The following EYA4 variants were observed in gnomAD, a reference collection of about 807,000 sequenced individuals.
EYA4 encodes the protein protein phosphatase EYA4.
A neutral mutation model predicts 87.9 loss-of-function variants in EYA4; 31 were observed. That is an observed-to-expected ratio of 0.35 (90% CI 0.27 to 0.48). The LOEUF (loss-of-function observed/expected upper bound fraction) is 0.48. EYA4 is among the 20% of genes least tolerant of loss of function. The pLI, the probability that EYA4 is intolerant of heterozygous loss-of-function variation, is 0.99. For missense variants in EYA4, 678 were observed against 761.4 expected (o/e 0.89, Z 1.29); for synonymous variants, 263 against 270.6 (o/e 0.97, Z 0.28).
intron 18 of EYA4, among the ~76,000 whole-genome samples, chr6:133,524,556 G>A (rs1330908326): frequency 6.6e-6 from 1 of 152,168 alleles, no homozygotes; most frequent in East Asian, 1.9e-4. Context: ...TATTTGAGCA[G>A]GCTAACTCTC....
At chr6:133,307,885 C>T (rs1296830182) in intron 2 of EYA4, among the ~76,000 whole-genome samples, 1 of 152,068 alleles carries the variant, frequency 6.6e-6, no homozygotes, top group East Asian at 1.9e-4. Flanking sequence ...ATTGCAGCTC[C>T]CTCCCATAAT....
chr6:133,450,779 G>A (rs151076685), intron 5 of EYA4, among the ~76,000 whole-genome samples: 55 of 152,304 alleles, frequency 3.6e-4, no homozygotes, highest in African/African-American at 1.1e-3. Flanking sequence ...CCAAAGTGTC[G>A]GGATTACAGG....
chr6:133,308,663 A>G (rs960385657), intron 2 of EYA4, among the ~76,000 whole-genome samples: 24 of 152,056 alleles, frequency 1.6e-4, no homozygotes, highest in African/African-American at 5.8e-4. Context: ...GAGATGCGGT[A>G]TTTGGTTTTC....
At chr6:133,311,455 A>G (rs997806669) in intron 2 of EYA4, among the ~76,000 whole-genome samples, 2 of 151,722 alleles carry the variant, frequency 1.3e-5, no homozygotes, top group Non-Finnish European at 2.9e-5. Flanking sequence ...CCTCCCAAGT[A>G]GCTGTGACTA....
intron 13 of EYA4, among the ~76,000 whole-genome samples, chr6:133,494,932 A>G (rs960329935): frequency 1.3e-5 from 2 of 152,142 alleles, no homozygotes; most frequent in African/African-American, 4.8e-5. Flanking sequence ...TGGATACCCC[A>G]TTTACCCTGA....
At chr6:133,368,984 C>A (rs535892191) in intron 2 of EYA4, among the ~76,000 whole-genome samples, 1 of 151,986 alleles carries the variant, frequency 6.6e-6, no homozygotes, top group East Asian at 1.9e-4. Context: ...TTTTCCTGTA[C>A]GTCACTGTAT....
intron 17 of EYA4, among the ~76,000 whole-genome samples, chr6:133,518,909 C>T (rs1344778377): frequency 5.3e-5 from 8 of 151,338 alleles, no homozygotes; most frequent in South Asian, 4.2e-4. Context: ...GGGTACATAA[C>T]GAAATGAAGG....
At chr6:133,502,058 TCTCTCTCTCTCTCA>T in intron 13 of EYA4, among the ~76,000 whole-genome samples, 1 of 151,444 alleles carries the variant, frequency 6.6e-6, no homozygotes, top group East Asian at 1.9e-4. Context: ...TCTCTCTCTC[TCTCTCTCTCTCTCA>T]CTCTCTCTCT....
At chr6:133,499,263 A>G (rs1328383765) in intron 13 of EYA4, among the ~76,000 whole-genome samples, 1 of 151,996 alleles carries the variant, frequency 6.6e-6, no homozygotes, top group Non-Finnish European at 1.5e-5. Context: ...CATGTCAATC[A>G]CCTTTCTCCT....
At chr6:133,423,090 C>T (rs1384595774) in intron 3 of EYA4, among the ~76,000 whole-genome samples, 2 of 151,904 alleles carry the variant, frequency 1.3e-5, no homozygotes, top group African/African-American at 4.8e-5. Flanking sequence ...AAGGGAAATG[C>T]TAAGACACAA....
At chr6:133,446,801 G>A (rs1792889098) in intron 4 of EYA4, 47 bp downstream of exon 4, 1 of 1,594,710 alleles carries the variant, frequency 6.3e-7, no homozygotes, top group Admixed American at 1.7e-5. Context: ...TTCAATGTTT[G>A]CTTTAATTTT....
intron 2 of EYA4, among the ~76,000 whole-genome samples, chr6:133,298,482 A>G (rs1049714518): frequency 4.6e-5 from 7 of 152,148 alleles, no homozygotes; most frequent in African/African-American, 1.2e-4. Flanking sequence ...TGTTTAAATC[A>G]TAAGTCTGTA....
intron 19 of EYA4, among the ~76,000 whole-genome samples, chr6:133,526,938 C>T (rs1020953641): frequency 9.2e-5 from 14 of 152,176 alleles, no homozygotes; most frequent in African/African-American, 3.4e-4. Context: ...ATTCAGTTTT[C>T]CAAACCAGTA....
chr6:133,331,790 A>C (rs1285992136), intron 2 of EYA4, among the ~76,000 whole-genome samples: 1 of 152,244 alleles, frequency 6.6e-6, no homozygotes, highest in Non-Finnish European at 1.5e-5. Flanking sequence ...CAAGGATGTC[A>C]AGAATAGAAA....
intron 1 of EYA4, among the ~76,000 whole-genome samples, chr6:133,243,119 T>TGTGTG (rs1554206020): frequency 3.5e-5 from 5 of 142,230 alleles, no homozygotes; most frequent in South Asian, 2.3e-4. Context: ...TGTGTGTGTG[T>TGTGTG]TGTGTACTTG....
chr6:133,242,077 C>A (rs1433967210), intron 1 of EYA4, among the ~76,000 whole-genome samples: 1 of 152,246 alleles, frequency 6.6e-6, no homozygotes. Context: ...GGAGTTCATC[C>A]AGCAGTCCAG....
At chr6:133,516,417 A>G (rs1446511619) in intron 17 of EYA4, among the ~76,000 whole-genome samples, 2 of 152,170 alleles carry the variant, frequency 1.3e-5, no homozygotes, top group Non-Finnish European at 2.9e-5. Flanking sequence ...ATTTCCATTA[A>G]GAAAAGATTA....
rs550421851 is a variant in EYA4, at chr6:133,447,007, CT to C, written c.208+258del. On this transcript the variant is annotated intron_variant, in intron 4 of 19. Transcript: ENST00000355286. ...TTTCAAGGGCCTTGAACAAGGCTTT[CT>C]TTTTGTATTTGCCCTTGTAAATATT... Among the ~76,000 whole-genome samples, 198 of 152,254 alleles carry C rather than the reference CT, an allele frequency of 1.3e-3. 1 individual carries two copies. Among genetic ancestry groups the C allele is most frequent in the Non-Finnish European group, 2.2e-3 (153 of 68,000 alleles).
intron 2 of EYA4, among the ~76,000 whole-genome samples, chr6:133,319,421 T>C (rs1276480685): frequency 5.3e-5 from 8 of 152,190 alleles, no homozygotes; most frequent in Non-Finnish European, 1.2e-4. Flanking sequence ...CAGTTTTTAC[T>C]TTGTGTATTT....
Sources: allele counts gnomAD v4.1 joint callset (sites outside exome capture counted in the v4.1 genomes callset), GRCh38; gene constraint gnomAD v4.1.1; transcripts MANE v1.5; gene names NCBI Gene and HGNC (gene_info 2026-07-23, HGNC 2026-07-21).